KLHL5: variants seen among roughly 807,000 people sequenced by gnomAD.
KLHL5 encodes kelch like family member 5, also known as kelch-like protein 5.
Under a neutral mutation model 77.7 loss-of-function variants are expected in KLHL5, and 48 were observed. That is an observed-to-expected ratio of 0.62 (90% CI 0.49 to 0.79). The LOEUF (loss-of-function observed/expected upper bound fraction) is 0.79, where lower values mean the gene tolerates loss of function less well. KLHL5 is among the 30% of genes least tolerant of loss of function. The pLI, the probability that KLHL5 is intolerant of heterozygous loss-of-function variation, is 0.00. For synonymous variants in KLHL5, 260 were observed against 297.0 expected (o/e 0.88, Z 1.28); for missense variants, 723 against 859.7 (o/e 0.84, Z 1.99).
At position 39,062,596 on chromosome 4, in the gene KLHL5, A is replaced by G. The variant is rs1435466310; in HGVS notation, c.-57A>G. On this transcript the variant is annotated 5_prime_UTR_variant, in exon 1 of 11. Coordinates refer to ENST00000504108, the MANE Select transcript of KLHL5 (RefSeq NM_015990.5). ...TTCTCTTGTCTTGGTTGGATGCACA[A>G]ATCTGTGTGCAGTGCTTTTTGCCCG... 6.2e-7 allele frequency: 1 copy of G among 1,613,976 alleles called. No homozygotes were observed. Among genetic ancestry groups the G allele is most frequent in the Non-Finnish European group, 8.5e-7 (1 of 1,179,976 alleles).
intron 10 of KLHL5, among the ~76,000 whole-genome samples, chr4:39,117,904 G>C (rs1283666729): frequency 6.6e-6 from 1 of 151,904 alleles, no homozygotes; most frequent in African/African-American, 2.4e-5. Flanking sequence ...GTGAAACCCT[G>C]TCTCTACTAA....
At chr4:39,064,238 A>G (rs1346840230) in intron 1 of KLHL5, among the ~76,000 whole-genome samples, 1 of 151,798 alleles carries the variant, frequency 6.6e-6, no homozygotes, top group African/African-American at 2.4e-5. Context: ...GAGAGAGGGG[A>G]ATATCTGTAT....
intron 7 of KLHL5, among the ~76,000 whole-genome samples, chr4:39,105,650 ACACATATAAAATGTGTATATG>A (rs1721969395): frequency 6.6e-6 from 1 of 151,416 alleles, no homozygotes; most frequent in Non-Finnish European, 1.5e-5. Context: ...TTATATATAT[ACACATATAAAATGTGTATATG>A]CACATATATA....
chr4:39,111,608 A>ATTC (rs1476569674), intron 8 of KLHL5, among the ~76,000 whole-genome samples: 66 of 152,246 alleles, frequency 4.3e-4, no homozygotes, highest in Non-Finnish European at 2.5e-4. Flanking sequence ...CCATACTTAG[A>ATTC]TAACTCTTCT....
chr4:39,128,082 C>T (rs1421235933), downstream of KLHL5, among the ~76,000 whole-genome samples: 4 of 152,032 alleles, frequency 2.6e-5, no homozygotes, highest in Non-Finnish European at 1.5e-5. Flanking sequence ...GACTAAGATC[C>T]TATACAGTAA....
chr4:39,066,992 C>G (rs1717947282), intron 1 of KLHL5, among the ~76,000 whole-genome samples: 1 of 152,070 alleles, frequency 6.6e-6, no homozygotes, highest in South Asian at 2.1e-4. Context: ...TACCCCATAC[C>G]CAGGTTCCCC....
intron 5 of KLHL5, among the ~76,000 whole-genome samples, chr4:39,092,678 C>G (rs28570978): frequency 0.021 from 3,160 of 152,140 alleles, 122 homozygotes; most frequent in African/African-American, 0.072. Context: ...TTTTGCCTTT[C>G]GTATGCAGTG....
chr4:39,080,630 T>C (rs1427543863), intron 2 of KLHL5, among the ~76,000 whole-genome samples: 4 of 151,970 alleles, frequency 2.6e-5, no homozygotes, highest in South Asian at 4.1e-4. Context: ...TATAGTGTTA[T>C]TACAACATAA....
In KLHL5 at chr4:39,123,197, A is replaced by T. The variant is rs1723326256; in HGVS notation, c.*2131A>T. Reference sequence around the variant, plus strand: ...AATAAAAAATCCAAACAGACCTGTAACAAGTAAAGAGATTGAACCAGTAAT... The same window carrying T: ...AATAAAAAATCCAAACAGACCTGTATCAAGTAAAGAGATTGAACCAGTAAT... On this transcript the variant is annotated 3_prime_UTR_variant, in exon 11 of 11. Coordinates refer to ENST00000504108, the MANE Select transcript of KLHL5 (RefSeq NM_015990.5). 6.6e-6 allele frequency among the ~76,000 whole-genome samples: 1 copy of T among 152,250 alleles called. No homozygotes were observed. Among genetic ancestry groups the T allele is most frequent in the African/African-American group, 2.4e-5 (1 of 41,470 alleles).
chr4:39,076,743 GTTTTTTTT>G (rs137873302), intron 2 of KLHL5, among the ~76,000 whole-genome samples: 2 of 121,190 alleles, frequency 1.7e-5, no homozygotes, highest in Middle Eastern at 4.3e-3. Context: ...ATTCTCAAAG[GTTTTTTTT>G]TTTTTTTTTG....
intron 1 of KLHL5, among the ~76,000 whole-genome samples, chr4:39,045,767 G>A (rs138702021): frequency 2.0e-5 from 3 of 151,542 alleles, no homozygotes; most frequent in African/African-American, 7.2e-5. Flanking sequence ...TTCTTCAGTA[G>A]TCGACAAGTT....
downstream of KLHL5, among the ~76,000 whole-genome samples, chr4:39,130,118 A>G (rs190287940): frequency 4.6e-5 from 7 of 152,342 alleles, no homozygotes; most frequent in African/African-American, 1.7e-4. Flanking sequence ...AGAAATATAG[A>G]GGTGTGAAGT....
At chr4:39,133,770 A>G in the KLHL5 span, 20 of 152,158 alleles carry the variant, frequency 1.3e-4, no homozygotes, top group Non-Finnish European at 2.8e-4. Flanking sequence ...TACAGCCCAC[A>G]GGTCAACTCT....
At chr4:39,047,013 G>A (rs996720858) in intron 1 of KLHL5, among the ~76,000 whole-genome samples, 7 of 152,214 alleles carry the variant, frequency 4.6e-5, no homozygotes, top group African/African-American at 1.4e-4. Flanking sequence ...ATTTCTTGGA[G>A]ATTTACTATA....
downstream of KLHL5, among the ~76,000 whole-genome samples, chr4:39,128,149 G>A (rs1012748185): frequency 2.0e-5 from 3 of 151,904 alleles, no homozygotes; most frequent in South Asian, 2.1e-4. Context: ...CACATATGGC[G>A]GTATATTTTT....
At chr4:39,090,705 TC>T (rs1477095743) in intron 5 of KLHL5, among the ~76,000 whole-genome samples, 1 of 152,134 alleles carries the variant, frequency 6.6e-6, no homozygotes, top group Admixed American at 6.5e-5. Context: ...CACCTCGGCC[TC>T]CCAAAATGCT....
chr4:39,082,037 G>A lies in KLHL5; in HGVS notation c.778G>A (p.Val260Ile), dbSNP rs201411197. 7 of 1,613,842 alleles carry A rather than the reference G, an allele frequency of 4.3e-6. No individual in the cohort carries two copies. Among genetic ancestry groups the A allele is most frequent in the Non-Finnish European group, 5.9e-6 (7 of 1,179,928 alleles). Reference protein sequence around the residue: ...TACLLQLSQVVEACCKFLMKQ... With the variant: ...TACLLQLSQVIEACCKFLMKQ... ...TTGCCTTCTTCAGCTTTCACAGGTT[G>A]TAGAAGCATGCTGTAAGTTTTTAAT... The change falls in exon 4 of 11, where the codon GTA (valine) becomes ATA (isoleucine). Residue 260 changes from valine to isoleucine, a missense_variant. Val to Ile is a conservative substitution (Grantham distance 29). Transcript: ENST00000504108.
chr4:39,052,319 A>C (rs918248175), intron 1 of KLHL5, among the ~76,000 whole-genome samples: 1 of 151,884 alleles, frequency 6.6e-6, no homozygotes, highest in Non-Finnish European at 1.5e-5. Flanking sequence ...ATGGGGTTTC[A>C]CTATTGGCCA....
the KLHL5 span, among the ~76,000 whole-genome samples, chr4:39,139,282 CAAAAA>C: frequency 1.7e-5 from 1 of 57,426 alleles, no homozygotes; most frequent in South Asian, 5.6e-4. Flanking sequence ...AACTCCATCT[CAAAAA>C]AAAAAAAAAA....
Sources: allele counts gnomAD v4.1 joint callset (sites outside exome capture counted in the v4.1 genomes callset), GRCh38; gene constraint gnomAD v4.1.1; transcripts MANE v1.5; gene names NCBI Gene and HGNC (gene_info 2026-07-23, HGNC 2026-07-21).